SND1: variants seen among roughly 807,000 people sequenced by gnomAD.
SND1 encodes the protein staphylococcal nuclease and tudor domain containing 1.
SND1 carries 38 observed loss-of-function variants against 121.7 expected under a neutral mutation model. The observed-to-expected ratio is 0.31, with a 90% CI of 0.24 to 0.41. The LOEUF (loss-of-function observed/expected upper bound fraction) is 0.41, where lower values mean the gene tolerates loss of function less well. SND1 is among the 10% of genes least tolerant of loss of function. The pLI is 1.00. For synonymous variants in SND1, 401 were observed against 447.4 expected (o/e 0.90, Z 1.31); for missense variants, 868 against 1,184.6 (o/e 0.73, Z 3.92).
chr7:127,742,303 G>A (rs116220954), intron 10 of SND1, among the ~76,000 whole-genome samples: 1 of 151,990 alleles, frequency 6.6e-6, no homozygotes. Flanking sequence ...TTCCATTGTG[G>A]TGTCACCAAA....
intron 16 of SND1, chr7:128,027,083 C>T (rs1361728268): frequency 1.3e-5 from 2 of 152,310 alleles, no homozygotes; most frequent in Non-Finnish European, 2.9e-5. Flanking sequence ...AAAAATTCAA[C>T]AATATTTATT....
At chr7:127,668,921 C>G (rs1012035626) in intron 1 of SND1, among the ~76,000 whole-genome samples, 1 of 152,224 alleles carries the variant, frequency 6.6e-6, no homozygotes, top group Admixed American at 6.5e-5. Context: ...GCCTCTGCAT[C>G]ACTGCATTCT....
chr7:128,087,374 T>A (rs1287846209), intron 21 of SND1, among the ~76,000 whole-genome samples: 1 of 151,602 alleles, frequency 6.6e-6, no homozygotes, highest in East Asian at 1.9e-4. Flanking sequence ...TGTCGTGGGG[T>A]TGTCTACCCT....
At chr7:127,945,288 C>T (rs1801303988) in intron 15 of SND1, among the ~76,000 whole-genome samples, 1 of 152,098 alleles carries the variant, frequency 6.6e-6, no homozygotes. Flanking sequence ...GTCAGGAGAT[C>T]GAGACCATCC....
Position 127,774,652 on chromosome 7 carries a change from C to T in SND1, c.1153-32832C>T, listed in dbSNP as rs112649569. Among the ~76,000 whole-genome samples, 495 of 151,654 alleles carry T rather than the reference C, an allele frequency of 3.3e-3. 2 individuals carry two copies. Among genetic ancestry groups the T allele is most frequent in the African/African-American group, 0.011 (436 of 41,308 alleles). On this transcript the variant is annotated intron_variant, in intron 10 of 23. Transcript: ENST00000354725. ...GAAGTGCAGTGGCACAAGCTCAGCTCACTGCAACCTCGGCCTCCTGGGTTC... is the reference window on the plus strand; with the variant it reads ...GAAGTGCAGTGGCACAAGCTCAGCTTACTGCAACCTCGGCCTCCTGGGTTC...
chr7:127,774,561 A>T (rs529919026), intron 10 of SND1, among the ~76,000 whole-genome samples: 2 of 151,836 alleles, frequency 1.3e-5, no homozygotes, highest in African/African-American at 4.8e-5. Flanking sequence ...TGCACCATAC[A>T]AGCATATCAT....
chr7:127,715,135 T>A (rs1331739113), intron 9 of SND1, among the ~76,000 whole-genome samples: 1 of 145,592 alleles, frequency 6.9e-6, no homozygotes, highest in Admixed American at 7.1e-5. Context: ...TCACCAACAT[T>A]TGTTATTTTC....
At chr7:128,011,569 G>T (rs1184814589) in intron 16 of SND1, among the ~76,000 whole-genome samples, 1 of 152,170 alleles carries the variant, frequency 6.6e-6, no homozygotes, top group Non-Finnish European at 1.5e-5. Context: ...GCAGGATCAG[G>T]GTAGTGGTTC....
At chr7:127,899,277 AACAC>A (rs3840645) in intron 13 of SND1, among the ~76,000 whole-genome samples, 17 of 149,864 alleles carry the variant, frequency 1.1e-4, no homozygotes, top group Non-Finnish European at 2.1e-4. Flanking sequence ...ACCTGCACAC[AACAC>A]ACACACACAC....
intron 16 of SND1, among the ~76,000 whole-genome samples, chr7:128,046,342 G>GT (rs61273056): frequency 0.013 from 1,786 of 136,446 alleles, 21 homozygotes; most frequent in South Asian, 0.036. Context: ...GTTTTTTTGG[G>GT]TTTTTTTTTT....
chr7:127,716,544 G>T (rs745406280), intron 9 of SND1, among the ~76,000 whole-genome samples: 1 of 149,728 alleles, frequency 6.7e-6, no homozygotes, highest in African/African-American at 2.5e-5. Flanking sequence ...CTGATTCTGT[G>T]TGTTGGCTTT....
chr7:128,064,644 C>T (rs569147489), intron 16 of SND1, among the ~76,000 whole-genome samples: 3 of 152,208 alleles, frequency 2.0e-5, no homozygotes, highest in South Asian at 4.2e-4. Context: ...CTGAAGTGAG[C>T]GCTGCACTAG....
Position 128,085,729 on chromosome 7 carries a change from G to T in SND1, c.2253G>T (p.Glu751Asp). ...VDGEWYRARV[E>D]KVESPAKIHV... is the part of the protein sequence containing the mutation. ...ATTGCAGGTACCGTGCCCGAGTAGA[G>T]AAAGTCGAGTCTCCTGCCAAAATAC... The change falls in exon 20 of 24, where the codon GAG (glutamate) becomes GAT (aspartate). Residue 751 changes from glutamate (E) to aspartate (D), a missense_variant. Glu to Asp is a conservative substitution (Grantham distance 45). Transcript: ENST00000354725. This position sits in a 1 kb window ranked among gnomAD's most constrained non-coding sequence, Gnocchi z 4.4. 1.9e-6 allele frequency: 3 copies of T among 1,614,144 alleles called. No individual in the cohort carries two copies. The highest frequency in any genetic ancestry group is 2.5e-6 in the Non-Finnish European group (3 of 1,180,000).
intron 16 of SND1, among the ~76,000 whole-genome samples, chr7:128,066,591 C>T (rs1793318863): frequency 6.6e-6 from 1 of 152,228 alleles, no homozygotes. Context: ...ATAGGCACAG[C>T]CTCTCGCCTT....
chr7:127,652,381 C>G lies in SND1; in HGVS notation c.8C>G (p.Ser3Cys), dbSNP rs769261351. 5 of 1,597,802 alleles carry G rather than the reference C, an allele frequency of 3.1e-6. No individual in the cohort carries two copies. Among genetic ancestry groups the G allele is most frequent in the Non-Finnish European group, 4.3e-6 (5 of 1,172,770 alleles). Residue 3 changes from serine to cysteine, a missense_variant, in exon 1 of 24, where the codon TCC (serine) becomes TGC (cysteine). Around this residue, in one of 2 missense-constraint regions of SND1, gnomAD observed 125 missense variants for 113.3 expected, o/e 1.10. Coordinates refer to ENST00000354725, the MANE Select transcript of SND1 (RefSeq NM_014390.4). MA[S>C]SAQSGGSSGG... is the part of the protein sequence containing the mutation. ...GCCTTTGCATCTCCACACATGGCGT[C>G]CTCCGCGCAGAGCGGCGGCTCCTCC...
rs1416147591 is a variant in SND1, at chr7:128,029,204, C to T, written c.1779+38148C>T. ...TATATGCCGGCTGGTAACCAGTGGA[C>T]GTGGTAGGAACAGGCTTGTACTTTC... On this transcript the variant is annotated intron_variant, in intron 16 of 23. Transcript: ENST00000354725. This position sits in a 1 kb window ranked among gnomAD's most constrained non-coding sequence, Gnocchi z 4.2. 7.4e-6 allele frequency: 12 copies of T among 1,613,876 alleles called. No individual in the cohort carries two copies. Among genetic ancestry groups the T allele is most frequent in the East Asian group, 2.2e-5 (1 of 44,892 alleles).
intron 12 of SND1, among the ~76,000 whole-genome samples, chr7:127,872,005 C>T (rs539873207): frequency 3.3e-5 from 5 of 152,102 alleles, no homozygotes; most frequent in South Asian, 4.2e-4. Context: ...TGGTGGTGCA[C>T]GCCTGTAGTC....
At chr7:127,671,290 TC>T (rs1421496865) in intron 1 of SND1, among the ~76,000 whole-genome samples, 1 of 152,204 alleles carries the variant, frequency 6.6e-6, no homozygotes, top group Admixed American at 6.5e-5. Flanking sequence ...AACTCCTGTA[TC>T]CCCTTTACCA....
chr7:127,846,750 T>C (rs1246847875), intron 12 of SND1, among the ~76,000 whole-genome samples: 2 of 152,182 alleles, frequency 1.3e-5, no homozygotes, highest in South Asian at 4.1e-4. Flanking sequence ...TTATTTTTCT[T>C]TATCAGGCGG....
Sources: allele counts gnomAD v4.1 joint callset (sites outside exome capture counted in the v4.1 genomes callset), GRCh38; gene constraint gnomAD v4.1.1; regional missense constraint gnomAD v4.1.1; non-coding constraint Gnocchi (gnomAD v3.1); transcripts MANE v1.5; gene names NCBI Gene and HGNC (gene_info 2026-07-23, HGNC 2026-07-21).